Variants in TSHR observed in about 807,000 individuals in gnomAD.
TSHR encodes the protein thyroid stimulating hormone receptor, also known as thyrotropin receptor.
In TSHR, 51 loss-of-function variants were observed where a neutral mutation model predicts 64.1. The ratio of observed to expected loss-of-function variants is 0.80; its 90% CI spans 0.64 to 1.01. The LOEUF (loss-of-function observed/expected upper bound fraction) is 1.01, where lower values mean the gene tolerates loss of function less well. TSHR is among the 50% of genes least tolerant of loss of function. The pLI is 0.00. For synonymous variants in TSHR, 361 were observed against 361.9 expected, an observed-to-expected ratio of 1.00 and a Z score of 0.03; for missense variants, 877 against 942.8, an observed-to-expected ratio of 0.93 and a Z score of 0.91.
Position 81,037,223 on chromosome 14 carries a change from T to G in TSHR, c.171-24925T>G, listed in dbSNP as rs187860537. On this transcript the variant is annotated intron_variant, in intron 1 of 9. Transcript: ENST00000298171. The stretch of plus-strand genomic sequence containing the variant: ...TAGAATACTTGCATGTAGCCAAAGT[T>G]AAGTTATTATCAACTTAAATTGCCT... 2.3e-4 allele frequency among the ~76,000 whole-genome samples: 35 copies of G among 152,048 alleles called. No individual in the cohort carries two copies. The East Asian group carries it at 6.8e-3, about 29-fold the overall frequency.
At chr14:81,057,655 T>C (rs1316776219) in intron 1 of TSHR, among the ~76,000 whole-genome samples, 2 of 152,224 alleles carry the variant, frequency 1.3e-5, no homozygotes, top group African/African-American at 4.8e-5. Context: ...GGCTGATTGA[T>C]TGACACAGGT....
At chr14:81,110,105 T>C (rs989215880) in intron 8 of TSHR, among the ~76,000 whole-genome samples, 2 of 152,224 alleles carry the variant, frequency 1.3e-5, no homozygotes, top group Non-Finnish European at 2.9e-5. Flanking sequence ...TAAAAAATTG[T>C]CAATGCCATA....
chr14:80,981,426 G>T (rs1260497508), intron 1 of TSHR, among the ~76,000 whole-genome samples: 1 of 152,180 alleles, frequency 6.6e-6, no homozygotes, highest in Non-Finnish European at 1.5e-5. Flanking sequence ...GAATCCAAGT[G>T]AGGAGCAGCC....
chr14:81,010,063 A>G (rs114035570), intron 1 of TSHR, among the ~76,000 whole-genome samples: 1,803 of 152,276 alleles, frequency 0.012, 21 homozygotes, highest in African/African-American at 0.016. Flanking sequence ...TACCAATCTG[A>G]TAAGTATTCT....
At chr14:80,958,500 G>A (rs955728469) in intron 1 of TSHR, among the ~76,000 whole-genome samples, 8 of 152,096 alleles carry the variant, frequency 5.3e-5, no homozygotes, top group African/African-American at 1.7e-4. Context: ...TCAGTAAACC[G>A]ACTGATAACC....
intron 3 of TSHR, among the ~76,000 whole-genome samples, chr14:81,084,209 C>T (rs533849066): frequency 6.6e-6 from 1 of 152,278 alleles, no homozygotes; most frequent in South Asian, 2.1e-4. Flanking sequence ...GCATATTTCC[C>T]CAACAAAGAA....
At chr14:81,064,000 A>G (rs1035742427) in intron 2 of TSHR, among the ~76,000 whole-genome samples, 1 of 152,202 alleles carries the variant, frequency 6.6e-6, no homozygotes, top group Non-Finnish European at 1.5e-5. Context: ...GTAGAAAAAA[A>G]TAAAACTTAG....
At chr14:81,037,128 C>A (rs1309162932) in intron 1 of TSHR, among the ~76,000 whole-genome samples, 2 of 149,742 alleles carry the variant, frequency 1.3e-5, no homozygotes, top group Admixed American at 1.3e-4. Context: ...GGCAACAAAG[C>A]AAGACTCAGT....
chr14:81,037,775 A>G (rs11159485), intron 1 of TSHR, among the ~76,000 whole-genome samples: 36,954 of 151,782 alleles, frequency 0.24, 4,600 homozygotes, highest in South Asian at 0.33. Context: ...ATTAGCAACC[A>G]ATTAAAACAA....
Position 81,108,484 on chromosome 14 carries a change from CT to C in TSHR, c.692+41del, listed in dbSNP as rs748712578. 1.1e-3 allele frequency: 894 copies of C among 829,296 alleles called. 6 individuals are homozygous for C. Among genetic ancestry groups the C allele is most frequent in the African/African-American group, 9.8e-3 (462 of 47,188 alleles). The allele number at this position is 829,296 out of a possible 1,614,324, so 51.4% of individuals were successfully genotyped here. ...AAGACATACAAAAGAATATTTTAGT[CT>C]TTTTTTTTCTTTTTTTTTTTTTGGA... On this transcript the variant is annotated intron_variant, in intron 8 of 9. Coordinates refer to ENST00000298171, the MANE Select transcript of TSHR (RefSeq NM_000369.5).
chr14:80,962,533 C>A (rs1887089936), intron 1 of TSHR, among the ~76,000 whole-genome samples: 1 of 152,202 alleles, frequency 6.6e-6, no homozygotes, highest in African/African-American at 2.4e-5. Context: ...ACTATGGACT[C>A]AACTTAACTC....
intron 1 of TSHR, among the ~76,000 whole-genome samples, chr14:81,061,775 C>T (rs72689940): frequency 6.6e-6 from 1 of 151,788 alleles, no homozygotes; most frequent in African/African-American, 2.4e-5. Context: ...TGCACATGTA[C>T]CCCCAAACCT....
At chr14:80,993,581 G>A (rs922831589) in intron 1 of TSHR, 27 of 151,832 alleles carry the variant, frequency 1.8e-4, no homozygotes, top group East Asian at 1.2e-3. Context: ...TCTACTAATC[G>A]TCATATCAAA....
chr14:81,073,019 TAA>T (rs58118536), intron 3 of TSHR, among the ~76,000 whole-genome samples: 2 of 25,768 alleles, frequency 7.8e-5, no homozygotes, highest in East Asian at 1.3e-3. Context: ...AAATAAAAAA[TAA>T]ATATATATAT....
chr14:81,142,228 G>A lies in TSHR; in HGVS notation c.882-712G>A, dbSNP rs545505035. Among the ~76,000 whole-genome samples the A allele has an allele frequency of 1.2e-3, 178 of 152,180 alleles. 4 individuals carry two copies. In the South Asian group the frequency reaches 0.029, roughly 24 times the overall value. On this transcript the variant is annotated intron_variant, in intron 9 of 9. Transcript: ENST00000298171. ...CCCAAGTAGCTGGAATTACAGGCAC[G>A]TGCCACTACGCCTGGCTAATTTTTG...
intron 3 of TSHR, among the ~76,000 whole-genome samples, chr14:81,080,500 A>C (rs1887825155): frequency 6.6e-6 from 1 of 152,182 alleles, no homozygotes; most frequent in Non-Finnish European, 1.5e-5. Context: ...TTTAGTGGAA[A>C]ATCTGCTGAT....
intron 1 of TSHR, among the ~76,000 whole-genome samples, chr14:81,002,781 C>CTTTTTTTT (rs1174635270): frequency 6.5e-4 from 29 of 44,318 alleles, no homozygotes; most frequent in African/African-American, 1.2e-3. Context: ...CCTAATGCCT[C>CTTTTTTTT]TTTTTTTTTT....
At chr14:81,093,650 C>T (rs576970404) in intron 6 of TSHR, 1 of 152,314 alleles carries the variant, frequency 6.6e-6, no homozygotes, top group South Asian at 2.1e-4. Context: ...CCTAGTTTAT[C>T]AGTTTGGGCC....
At chr14:81,060,957 T>C (rs986734488) in intron 1 of TSHR, among the ~76,000 whole-genome samples, 2 of 152,124 alleles carry the variant, frequency 1.3e-5, no homozygotes, top group Admixed American at 6.6e-5. Flanking sequence ...TGAAGGTGTT[T>C]CATTATGTAT....
Sources: gnomAD v4.1 joint callset for allele counts (sites outside exome capture counted in the v4.1 genomes callset) on GRCh38, gnomAD v4.1.1 for gene constraint, MANE v1.5 for transcripts, NCBI Gene and HGNC (gene_info 2026-07-23, HGNC 2026-07-21) for gene names.